Variants in RBFOX1 observed in about 807,000 individuals in gnomAD.
RBFOX1 encodes RNA binding protein fox-1 homolog 1.
A neutral mutation model predicts 57.7 loss-of-function variants in RBFOX1; 8 were observed. The ratio of observed to expected loss-of-function variants is 0.14; its 90% confidence interval spans 0.08 to 0.25. The LOEUF (loss-of-function observed/expected upper bound fraction) is 0.25. Among genes scored for constraint, RBFOX1 ranks in the 10% least tolerant of loss-of-function variants. The pLI, the probability that RBFOX1 is intolerant of heterozygous loss-of-function variation, is 1.00. For synonymous variants in RBFOX1, 326 were observed against 222.4 expected (o/e 1.47, Z -4.15); for missense variants, 611 against 548.5 (o/e 1.11, Z -1.14).
At chr16:6,340,156 C>G (rs2084344479) in intron 2 of RBFOX1, among the ~76,000 whole-genome samples, 6 of 152,040 alleles carry the variant, frequency 3.9e-5, no homozygotes, top group Admixed American at 3.9e-4. Context: ...TTCTTGTTAA[C>G]CATGTGAGGA....
chr16:5,391,959 G>A (rs2066423285), intron 1 of RBFOX1, among the ~76,000 whole-genome samples: 1 of 151,648 alleles, frequency 6.6e-6, no homozygotes, highest in African/African-American at 2.4e-5. Context: ...GCCATAAAAA[G>A]GAATGATTTA....
rs1422323979 is a variant in RBFOX1, at chr16:7,430,350, C to G, written c.28-87797C>G. Among the ~76,000 whole-genome samples the G allele has an allele frequency of 2.6e-5, 4 of 152,198 alleles. No homozygotes were observed. In the South Asian group the frequency reaches 8.3e-4, roughly 32 times the overall value. On this transcript the variant is annotated intron_variant, in intron 4 of 15. Coordinates refer to ENST00000550418, the MANE Select transcript of RBFOX1 (RefSeq NM_018723.4). ...GCTGATAATATTTTGAAACAACTTCCTTCTTTGAATTAAAAATGGTACCCA... is the reference window on the plus strand; with the variant it reads ...GCTGATAATATTTTGAAACAACTTCGTTCTTTGAATTAAAAATGGTACCCA...
chr16:7,185,384 A>G lies in RBFOX1; in HGVS notation c.27+133286A>G, dbSNP rs560846228. Among the ~76,000 whole-genome samples the G allele has an allele frequency of 2.8e-4, 43 of 152,300 alleles. No homozygotes were observed. In the South Asian group the frequency reaches 7.9e-3, roughly 28 times the overall value. On this transcript the variant is annotated intron_variant, in intron 4 of 15. Coordinates refer to ENST00000550418, the MANE Select transcript of RBFOX1 (RefSeq NM_018723.4). ...ATGTTTCTGACAGGCAATTTCCTTA[A>G]TGCATTTGACAGAGATGGATTACAT...
intron 2 of RBFOX1, among the ~76,000 whole-genome samples, chr16:5,499,676 C>T (rs185417516): frequency 2.0e-5 from 3 of 151,986 alleles, no homozygotes; most frequent in Admixed American, 6.6e-5. Flanking sequence ...GGGTTCAAGC[C>T]ATTCTCCTGT....
chr16:6,790,169 C>T (rs867946280), intron 3 of RBFOX1, among the ~76,000 whole-genome samples: 73 of 141,536 alleles, frequency 5.2e-4, no homozygotes, highest in African/African-American at 1.8e-3. Context: ...TTATTTTATT[C>T]TATTATTATT....
At chr16:7,630,997 A>G (rs533387264) in intron 11 of RBFOX1, among the ~76,000 whole-genome samples, 2 of 152,296 alleles carry the variant, frequency 1.3e-5, no homozygotes, top group East Asian at 1.9e-4. Context: ...AAATTAATAT[A>G]AAAATAATTT....
intron 3 of RBFOX1, among the ~76,000 whole-genome samples, chr16:6,771,510 C>T (rs2078289476): frequency 2.0e-5 from 3 of 152,200 alleles, no homozygotes; most frequent in East Asian, 3.9e-4. Flanking sequence ...TCCTAGCAAA[C>T]CCTAGCAAGC....
At chr16:6,224,707 A>T (rs2097402868) in intron 1 of RBFOX1, among the ~76,000 whole-genome samples, 1 of 152,158 alleles carries the variant, frequency 6.6e-6, no homozygotes, top group Admixed American at 6.5e-5. Context: ...CAACAATCAG[A>T]TGGTCAAAAG....
chr16:7,511,381 C>T (rs147097257), intron 4 of RBFOX1, among the ~76,000 whole-genome samples: 1 of 152,246 alleles, frequency 6.6e-6, no homozygotes, highest in African/African-American at 2.4e-5. Flanking sequence ...AACAACAAAA[C>T]TCTCTCATCT....
chr16:7,058,750 G>A (rs2053295761), intron 4 of RBFOX1, among the ~76,000 whole-genome samples: 1 of 152,110 alleles, frequency 6.6e-6, no homozygotes, highest in Admixed American at 6.6e-5. Context: ...TGTGACTGTT[G>A]ATATTGGTTT....
intron 10 of RBFOX1, among the ~76,000 whole-genome samples, chr16:7,610,349 G>C (rs1488083242): frequency 6.6e-6 from 1 of 151,268 alleles, no homozygotes; most frequent in South Asian, 2.1e-4. Flanking sequence ...TTGAACTTCT[G>C]ACCTCAAGTG....
At chr16:5,655,684 TC>T (rs1346556735) in intron 3 of RBFOX1, among the ~76,000 whole-genome samples, 4 of 152,212 alleles carry the variant, frequency 2.6e-5, no homozygotes, top group African/African-American at 9.6e-5. Context: ...CATTTGTACC[TC>T]TTTCTCATCT....
intron 4 of RBFOX1, among the ~76,000 whole-genome samples, chr16:7,076,698 A>G (rs976200468): frequency 6.6e-6 from 1 of 152,194 alleles, no homozygotes; most frequent in Admixed American, 6.5e-5. Context: ...ACAATTCTAA[A>G]TACCACCTTC....
intron 13 of RBFOX1, among the ~76,000 whole-genome samples, chr16:7,671,203 T>G (rs1016137): frequency 0.61 from 92,033 of 152,090 alleles, 28,767 homozygotes; most frequent in Non-Finnish European, 0.67. Flanking sequence ...AAAATTCCAA[T>G]CATGAGATAA....
intron 1 of RBFOX1, among the ~76,000 whole-genome samples, chr16:6,182,150 C>A (rs1269942551): frequency 3.3e-5 from 5 of 152,254 alleles, no homozygotes; most frequent in African/African-American, 1.2e-4. Context: ...GAGATCCTAT[C>A]ACATTATTAA....
chr16:6,850,538 C>T (rs1567551462), intron 3 of RBFOX1, among the ~76,000 whole-genome samples: 2 of 152,034 alleles, frequency 1.3e-5, no homozygotes, highest in African/African-American at 4.8e-5. Context: ...AGAAACAAGG[C>T]CAGATCTGTA....
At chr16:5,739,391 T>C (rs1463043218) in intron 3 of RBFOX1, among the ~76,000 whole-genome samples, 1 of 152,226 alleles carries the variant, frequency 6.6e-6, no homozygotes, top group Non-Finnish European at 1.5e-5. Flanking sequence ...GACAAGAATC[T>C]GTGCCATTGT....
At chr16:5,982,877 G>A (rs189648155) in intron 4 of RBFOX1, among the ~76,000 whole-genome samples, 16 of 152,316 alleles carry the variant, frequency 1.1e-4, no homozygotes, top group Admixed American at 4.6e-4. Context: ...AGATGTAGCA[G>A]TGTCTGGCAG....
At chr16:7,612,059 C>A (rs142737575) in intron 10 of RBFOX1, among the ~76,000 whole-genome samples, 2 of 152,084 alleles carry the variant, frequency 1.3e-5, no homozygotes, top group African/African-American at 2.4e-5. Flanking sequence ...CGGTGGCTCA[C>A]GCCTGTAATC....
Sources: allele counts gnomAD v4.1 joint callset (sites outside exome capture counted in the v4.1 genomes callset), GRCh38; gene constraint gnomAD v4.1.1; transcripts MANE v1.5; gene names NCBI Gene and HGNC (gene_info 2026-07-23, HGNC 2026-07-21).